Variants in COL17A1 observed in about 807,000 individuals in gnomAD.
The protein encoded by COL17A1 is collagen type XVII alpha 1 chain.
In COL17A1, 181 loss-of-function variants were observed where a neutral mutation model predicts 218.4. The ratio of observed to expected loss-of-function variants is 0.83; its 90% CI spans 0.73 to 0.94. The LOEUF is 0.94. Among genes scored for constraint, COL17A1 ranks in the 40% least tolerant of loss-of-function variants. The probability of loss-of-function intolerance (pLI) is 0.00; values close to 1 mark genes in which losing one functional copy is unlikely to be tolerated. For missense variants in COL17A1, 1,924 were observed against 1,945.9 expected, an observed-to-expected ratio of 0.99 and a Z score of 0.21; for synonymous variants, 721 against 731.0, an observed-to-expected ratio of 0.99 and a Z score of 0.22.
intron 6 of COL17A1, 138 bp downstream of exon 6, chr10:104,074,046 T>C (rs1416399796): frequency 2.2e-6 from 3 of 1,352,096 alleles, no homozygotes; most frequent in Non-Finnish European, 3.2e-6. Context: ...AAGGGAAAAA[T>C]AGGTCAGCAG....
chr10:104,055,930 C>T lies in COL17A1; in HGVS notation c.1539G>A (p.Gly513=). The T allele has an allele frequency of 6.2e-7, 1 of 1,614,138 alleles. No individual in the cohort carries two copies. The highest frequency in any genetic ancestry group is 8.5e-7 in the Non-Finnish European group (1 of 1,180,040). ...CCTTTTCTATTCTATCCATGCTGTC[C>T]CCATAGGGCAGTATGCTCCTCCTGA... ...ERIRRSILPY[G]DSMDRIEKDR... is the part of the protein sequence containing the mutation. The change falls in exon 18 of 56, where the codon GGG becomes GGA. Residue 513 remains glycine, a synonymous_variant. Transcript: ENST00000648076.
At chr10:104,056,523 A>T (rs1223982267) in intron 17 of COL17A1, among the ~76,000 whole-genome samples, 1 of 152,102 alleles carries the variant, frequency 6.6e-6, no homozygotes, top group Non-Finnish European at 1.5e-5. Flanking sequence ...CGGAGGTTGC[A>T]GTGAGCCGAG....
intron 48 of COL17A1, among the ~76,000 whole-genome samples, 185 bp from the exon 49 acceptor site, chr10:104,035,748 A>G (rs535358965): frequency 1.9e-3 from 284 of 146,806 alleles, no homozygotes; most frequent in Non-Finnish European, 3.0e-3. Flanking sequence ...GGGCCGGAGA[A>G]GCAGGTCCAG....
At chr10:104,051,065 T>C (rs1365802568) in intron 25 of COL17A1, among the ~76,000 whole-genome samples, 164 bp from the exon 26 acceptor site, 1 of 152,216 alleles carries the variant, frequency 6.6e-6, no homozygotes, top group Non-Finnish European at 1.5e-5. Flanking sequence ...CCTTTTTAAG[T>C]CATTTTGGCC....
chr10:104,046,728 G>A lies in COL17A1; in HGVS notation c.2362+19C>T, dbSNP rs2086414045. The A allele has an allele frequency of 6.2e-7, 1 of 1,613,506 alleles. No homozygotes were observed. The highest frequency in any genetic ancestry group is 1.6e-4 in the Middle Eastern group (1 of 6,062). ...GGAGAAGGTGGGAGACAGCAGGTGG[G>A]AATGATCCAGCGACTCACCCTGAGG... On this transcript the variant is annotated intron_variant, in intron 32 of 55. Transcript: ENST00000648076.
Position 104,031,872 on chromosome 10 carries a change from A to C in COL17A1, c.*363T>G, listed in dbSNP as rs1589553178. 5.0e-6 allele frequency: 1 copy of C among 201,422 alleles called. No homozygotes were observed. Among genetic ancestry groups the C allele is most frequent in the Non-Finnish European group, 8.9e-6 (1 of 112,980 alleles). 12.5% of individuals were successfully genotyped at this position (201,422 alleles called of 1,614,324 possible). A position where few individuals can be genotyped will look rare whatever the true frequency, so the allele number is the denominator to read the frequency against. On this transcript the variant is annotated 3_prime_UTR_variant, in exon 56 of 56. Coordinates refer to ENST00000648076, the MANE Select transcript of COL17A1 (RefSeq NM_000494.4). ...CCCCCATCCTCCGTTTTCTGGGCTC[A>C]TATTTAGGTAAAGCTCTAAGACTCC...
chr10:104,043,654 T>A, intron 34 of COL17A1, 73 bp from the exon 35 acceptor site: 1 of 1,559,430 alleles, frequency 6.4e-7, no homozygotes, highest in Non-Finnish European at 8.8e-7. Flanking sequence ...CAAGCCAGGT[T>A]GTGGTGGGCA....
At chr10:104,038,225 C>T (rs1205666463) in intron 45 of COL17A1, among the ~76,000 whole-genome samples, 181 bp downstream of exon 45, 1 of 111,428 alleles carries the variant, frequency 9.0e-6, no homozygotes, top group Non-Finnish European at 1.8e-5. Context: ...GACACATAGA[C>T]ACACATACAC....
chr10:104,073,751 T>TG (rs1370802619), intron 6 of COL17A1, among the ~76,000 whole-genome samples: 1 of 152,114 alleles, frequency 6.6e-6, no homozygotes, highest in East Asian at 1.9e-4. Flanking sequence ...AGACACAGCT[T>TG]GGGGGTTCAT....
In COL17A1 at chr10:104,056,832, G is replaced by T. The variant is rs191285519; in HGVS notation, c.1465+143C>A. The stretch of plus-strand genomic sequence containing the variant: ...CTGGGGCCTCAGTTTACTCATCTGC[G>T]GTAACAAGGGTCTGCACCAATGCAT... On this transcript the variant is annotated intron_variant, in intron 17 of 55. Transcript: ENST00000648076. The T allele has an allele frequency of 1.4e-3, 2,140 of 1,488,700 alleles. 3 individuals carry two copies. The highest frequency in any genetic ancestry group is 2.6e-3 in the Admixed American group (127 of 49,536). The allele number at this position is 1,488,700 out of a possible 1,614,324, so 92.2% of individuals were successfully genotyped here.
At chr10:104,065,872 C>A (rs750305553) in intron 9 of COL17A1, among the ~76,000 whole-genome samples, 11 of 152,212 alleles carry the variant, frequency 7.2e-5, no homozygotes, top group Non-Finnish European at 1.2e-4. Context: ...ACCTTGTTGC[C>A]TTTTCTCCTG....
intron 55 of COL17A1, 45 bp downstream of exon 55, chr10:104,032,629 T>C (rs2134559587): frequency 6.3e-7 from 1 of 1,578,970 alleles, no homozygotes; most frequent in South Asian, 1.1e-5. Context: ...GCGTCAGCCT[T>C]GCAGCCCTCC....
intron 1 of COL17A1, among the ~76,000 whole-genome samples, chr10:104,081,606 C>T (rs964861776): frequency 1.3e-5 from 2 of 152,172 alleles, no homozygotes; most frequent in Admixed American, 6.5e-5. Flanking sequence ...TCTGACTTAC[C>T]CTGTGGTTCT....
intron 1 of COL17A1, among the ~76,000 whole-genome samples, chr10:104,085,253 A>T (rs895040256): frequency 2.6e-5 from 4 of 152,204 alleles, no homozygotes; most frequent in Non-Finnish European, 4.4e-5. Flanking sequence ...CAGTCAGCAC[A>T]GGGACTGTTT....
In COL17A1 at chr10:104,039,484, G is replaced by T. The variant is rs761200497; in HGVS notation, c.2857C>A (p.Pro953Thr). Residue 953 changes from proline (P) to threonine (T), a missense_variant, in exon 43 of 56, where the codon CCA becomes ACA. By Grantham distance (38) the Pro-to-Thr change is conservative (BLOSUM62 -1). Transcript: ENST00000648076. Reference sequence around the variant, plus strand: ...GGTCCCTGGGGGCCAGGTGGGCCTGGTGGTCCCTGAAGGTTGAGTCCGAAA... The same window carrying T: ...GGTCCCTGGGGGCCAGGTGGGCCTGTTGGTCCCTGAAGGTTGAGTCCGAAA... ...SSFGLNLQGP[P>T]GPPGPQGPKG... 83 of 1,614,030 alleles carry T rather than the reference G, an allele frequency of 5.1e-5. No individual in the cohort carries two copies. The highest frequency in any genetic ancestry group is 1.8e-4 in the South Asian group (16 of 91,086).
rs748668345 is a variant in COL17A1, at chr10:104,037,709, TCCTGGGGGACCAGGTGGG to T, written c.3117_3134del (p.Pro1041_Pro1046del). ...TCTCGCCTGTGATGGTGGTGACAGG[TCCTGGGGGACCAGGTGGG>T]CCTGGGGGACCCTGAACTCCGGATA... is the stretch of plus-strand genomic sequence containing the variant. On this transcript the variant is annotated inframe_deletion, in exon 46 of 56. Coordinates refer to ENST00000648076, the MANE Select transcript of COL17A1 (RefSeq NM_000494.4). 6.8e-6 allele frequency: 11 copies of T among 1,614,050 alleles called. No homozygotes were observed. Among genetic ancestry groups the T allele is most frequent in the Non-Finnish European group, 9.3e-6 (11 of 1,180,022 alleles).
intron 33 of COL17A1, among the ~76,000 whole-genome samples, chr10:104,044,561 C>T (rs2086391037): frequency 6.6e-6 from 1 of 152,154 alleles, no homozygotes; most frequent in South Asian, 2.1e-4. Context: ...GTCATTCACA[C>T]AATGAAAGGA....
rs149626572 is a variant in COL17A1 at position 104,039,505 on chromosome 10, C to T, written c.2836G>A (p.Gly946Arg). 1.3e-4 allele frequency: 214 copies of T among 1,613,992 alleles called. No individual in the cohort carries two copies. Among genetic ancestry groups the T allele is most frequent in the Non-Finnish European group, 1.6e-4 (194 of 1,180,040 alleles). ...CCTGGTGGTCCCTGAAGGTTGAGTC[C>T]GAAAGAACTGGACCCTGGAAGCCAA... ...GFSTSGSSSF[G>R]LNLQGPPGPP... Residue 946 changes from glycine (G) to arginine (R), a missense_variant, in exon 43 of 56, where the codon GGA becomes AGA. By Grantham distance (125) the Gly-to-Arg change is moderately radical. Transcript: ENST00000648076.
chr10:104,033,935 C>T lies in COL17A1; in HGVS notation c.4156+10G>A, dbSNP rs546212109. The T allele has an allele frequency of 5.6e-6, 9 of 1,614,170 alleles. No homozygotes were observed. Among genetic ancestry groups the T allele is most frequent in the East Asian group, 2.2e-5 (1 of 44,876 alleles). On this transcript the variant is annotated intron_variant, in intron 52 of 55. Coordinates refer to ENST00000648076, the MANE Select transcript of COL17A1 (RefSeq NM_000494.4). ...CCCCCCAGCACCAAGGCCTAAATGT[C>T]CCCACTTACGCTGCATGCTCTCTGA...
Sources: gnomAD v4.1 joint callset for allele counts (sites outside exome capture counted in the v4.1 genomes callset) on GRCh38, gnomAD v4.1.1 for gene constraint, MANE v1.5 for transcripts, NCBI Gene and HGNC (gene_info 2026-07-23, HGNC 2026-07-21) for gene names.